EMC1: variants seen among roughly 807,000 people sequenced by gnomAD.
EMC1 encodes the protein KIAA0090.
In EMC1, 103 loss-of-function variants were observed where a neutral mutation model predicts 128.8. The ratio of observed to expected loss-of-function variants is 0.80; its 90% confidence interval spans 0.68 to 0.94. The LOEUF is 0.94. Ranked by LOEUF, EMC1 falls within the 40% of genes least tolerant of loss-of-function variation. EMC1 has a pLI of 0.00. For synonymous variants in EMC1, 442 were observed against 490.4 expected (o/e 0.90, Z 1.30); for missense variants, 1,083 against 1,250.6 (o/e 0.87, Z 2.02).
chr1:19,228,341 T>C (rs1163295895), intron 17 of EMC1, among the ~76,000 whole-genome samples: 1 of 152,204 alleles, frequency 6.6e-6, no homozygotes, highest in Non-Finnish European at 1.5e-5. Flanking sequence ...CCCTGTATAC[T>C]GGGGCCAGCA....
chr1:19,223,301 T>A (rs930798725), intron 19 of EMC1, 95 bp downstream of exon 19: 1 of 1,208,430 alleles, frequency 8.3e-7, no homozygotes, highest in Non-Finnish European at 1.2e-6. Flanking sequence ...TTTGAGATCC[T>A]AAGAAAACCA....
intron 1 of EMC1, among the ~76,000 whole-genome samples, chr1:19,245,446 A>T (rs1361930993): frequency 2.0e-5 from 3 of 152,136 alleles, no homozygotes; most frequent in Admixed American, 1.3e-4. Flanking sequence ...CATCTCAAAA[A>T]AAAGAAGTGT....
intron 16 of EMC1, 127 bp downstream of exon 16, chr1:19,231,134 G>T: frequency 7.5e-7 from 1 of 1,327,828 alleles, no homozygotes; most frequent in Non-Finnish European, 1.0e-6. Flanking sequence ...TTTCTCTTCG[G>T]GATGGCCTTA....
At chr1:19,238,193 C>A in intron 10 of EMC1, 54 bp from the exon 11 acceptor site, 2 of 1,594,578 alleles carry the variant, frequency 1.3e-6, no homozygotes, top group Admixed American at 3.5e-5. Context: ...AAGCAAAGCC[C>A]ACCAAAGGAA....
intron 10 of EMC1, among the ~76,000 whole-genome samples, chr1:19,238,580 G>A: frequency 6.6e-6 from 1 of 152,200 alleles, no homozygotes; most frequent in African/African-American, 2.4e-5. Flanking sequence ...AGGCCCAGAG[G>A]AGAAAGTGGC....
chr1:19,231,839 T>G (rs947456952), intron 15 of EMC1, among the ~76,000 whole-genome samples: 3 of 152,016 alleles, frequency 2.0e-5, no homozygotes, highest in African/African-American at 7.2e-5. Context: ...CCCAGGCTGG[T>G]CTCGAACTCC....
chr1:19,236,838 C>T (rs536929396), intron 12 of EMC1, among the ~76,000 whole-genome samples: 1 of 151,276 alleles, frequency 6.6e-6, no homozygotes, highest in South Asian at 2.1e-4. Flanking sequence ...CGTGGTGGCA[C>T]ACGCCTGTAA....
chr1:19,219,253 T>C lies in EMC1; in HGVS notation c.*50A>G, dbSNP rs759316395. 69 of 1,593,998 alleles carry C rather than the reference T, an allele frequency of 4.3e-5. No homozygotes were observed. Among genetic ancestry groups the C allele is most frequent in the Non-Finnish European group, 5.7e-5 (66 of 1,163,672 alleles). ...ACCAAACTGCAGCTGTAGCTGCTTA[T>C]CTGACCCACACTCCCCTGGCTCTCC... is the stretch of plus-strand genomic sequence containing the variant. On this transcript the variant is annotated 3_prime_UTR_variant, in exon 23 of 23. Transcript: ENST00000477853.
At chr1:19,249,785 G>T (rs1332221666) in intron 1 of EMC1, among the ~76,000 whole-genome samples, 1 of 151,940 alleles carries the variant, frequency 6.6e-6, no homozygotes, top group African/African-American at 2.4e-5. Context: ...AAACTGGAGA[G>T]GTGTGCACCA....
Position 19,233,090 on chromosome 1 carries a change from A to T in EMC1, c.1478T>A (p.Ile493Asn). Residue 493 changes from isoleucine (I) to asparagine (N), a missense_variant, in exon 14 of 23, where the codon ATC becomes AAC. This residue lies in a region of EMC1 where 527 missense variants were observed against 644.1 expected (regional missense o/e 0.82). Transcript: ENST00000477853. The stretch of plus-strand genomic sequence containing the variant: ...GTGGGAAGTCCATGCTTGCAGCAGG[A>T]TAAGCTGAGACGAGAGGCGTTTCAG... Reference protein sequence around the residue: ...MFLKRLSSQLILLQAWTSHLW... With the variant: ...MFLKRLSSQLNLLQAWTSHLW... 1 of 1,614,212 alleles carries T rather than the reference A, an allele frequency of 6.2e-7. No individual in the cohort carries two copies. Among genetic ancestry groups the T allele is most frequent in the Non-Finnish European group, 8.5e-7 (1 of 1,180,038 alleles).
rs146541063 is a variant in EMC1, at chr1:19,243,903, G to A, written c.286+47C>T. Reference sequence around the variant, plus strand: ...TACAGATCAAGGAGCCAAGGAATGGGACAGGGAGCTGGCCGCACAATGGAG... The same window carrying A: ...TACAGATCAAGGAGCCAAGGAATGGAACAGGGAGCTGGCCGCACAATGGAG... On this transcript the variant is annotated intron_variant, in intron 3 of 22. Transcript: ENST00000477853. 2,660 of 1,599,572 alleles carry A rather than the reference G, an allele frequency of 1.7e-3. 4 individuals are homozygous for A. Among genetic ancestry groups the A allele is most frequent in the Non-Finnish European group, 2.0e-3 (2,289 of 1,167,110 alleles).
intron 2 of EMC1, 74 bp from the exon 3 acceptor site, chr1:19,244,089 G>T: frequency 6.9e-7 from 1 of 1,442,820 alleles, no homozygotes; most frequent in Non-Finnish European, 9.7e-7. Flanking sequence ...TAAATGAAGA[G>T]CTCTTCATTT....
intron 13 of EMC1, among the ~76,000 whole-genome samples, chr1:19,234,832 C>T (rs917733170): frequency 2.6e-5 from 4 of 151,330 alleles, no homozygotes; most frequent in Non-Finnish European, 5.9e-5. Flanking sequence ...GGTGACAGAG[C>T]GAGACTCTTG....
rs186749132 is a variant in EMC1, at chr1:19,236,517, G to A, written c.1309+625C>T. Among the ~76,000 whole-genome samples the A allele has an allele frequency of 1.1e-4, 17 of 150,386 alleles. No individual in the cohort carries two copies. The East Asian group carries it at 1.8e-3, about 16-fold the overall frequency. ...ACTAAAAATACAAAATTAGCCAGGC[G>A]TGGTGGTGCATGCCTGTAATCCCAG... On this transcript the variant is annotated intron_variant, in intron 12 of 22. Transcript: ENST00000477853.
At chr1:19,244,736 T>C (rs916751053) in intron 2 of EMC1, 170 bp downstream of exon 2, 5 of 671,486 alleles carry the variant, frequency 7.4e-6, no homozygotes, top group Admixed American at 2.9e-5. Flanking sequence ...TATAGGAACA[T>C]ACAAATATTC....
At chr1:19,223,040 G>A in intron 19 of EMC1, 1 of 570,884 alleles carries the variant, frequency 1.8e-6, no homozygotes, top group Non-Finnish European at 3.1e-6. Flanking sequence ...CAAAACAAAG[G>A]AAATTCTCAA....
chr1:19,239,375 TCCAG>T, intron 8 of EMC1, 73 bp from the exon 9 acceptor site: 5 of 1,349,524 alleles, frequency 3.7e-6, no homozygotes, highest in Non-Finnish European at 5.3e-6. Context: ...GGGTCACCTC[TCCAG>T]GGAAGGCCCT....
chr1:19,231,445 C>T, intron 15 of EMC1, 23 bp from the exon 16 acceptor site: 1 of 1,604,752 alleles, frequency 6.2e-7, no homozygotes, highest in South Asian at 1.1e-5. Context: ...AACTGTCAGG[C>T]TCCACCAACA....
intron 20 of EMC1, chr1:19,221,091 G>T: frequency 2.9e-6 from 1 of 344,760 alleles, no homozygotes; most frequent in Non-Finnish European, 5.3e-6. Flanking sequence ...CTAGAATCAA[G>T]ATATGGATAA....
Sources: gnomAD v4.1 joint callset for allele counts (sites outside exome capture counted in the v4.1 genomes callset) on GRCh38, gnomAD v4.1.1 for gene constraint, gnomAD v4.1.1 regional missense constraint, MANE v1.5 for transcripts, NCBI Gene and HGNC (gene_info 2026-07-23, HGNC 2026-07-21) for gene names.